Variants in MACROD2 observed in about 807,000 individuals in gnomAD.
The protein encoded by MACROD2 is ADP-ribose glycohydrolase MACROD2.
MACROD2 carries 36 observed loss-of-function variants against 70.4 expected under a neutral mutation model. The ratio of observed to expected loss-of-function variants is 0.51; its 90% CI spans 0.39 to 0.68. The LOEUF (loss-of-function observed/expected upper bound fraction) is 0.68, where lower values mean the gene tolerates loss of function less well. Among genes scored for constraint, MACROD2 ranks in the 30% least tolerant of loss-of-function variants. The pLI, the probability that MACROD2 is intolerant of heterozygous loss-of-function variation, is 0.00. For missense variants in MACROD2, 496 were observed against 538.4 expected (o/e 0.92, Z 0.78); for synonymous variants, 172 against 178.8 (o/e 0.96, Z 0.30).
chr20:14,247,460 A>G (rs1381228074), intron 3 of MACROD2, among the ~76,000 whole-genome samples: 3 of 152,208 alleles, frequency 2.0e-5, no homozygotes, highest in Non-Finnish European at 4.4e-5. Context: ...GAATGACTCA[A>G]AGTTGGTTGT....
intron 15 of MACROD2, among the ~76,000 whole-genome samples, chr20:16,038,518 C>G (rs1158541237): frequency 7.2e-6 from 1 of 138,630 alleles, no homozygotes; most frequent in African/African-American, 2.7e-5. Flanking sequence ...TAATTCTTAA[C>G]TTGTTTTTGT....
chr20:15,157,362 T>A (rs372909653), intron 5 of MACROD2, among the ~76,000 whole-genome samples: 3 of 21,010 alleles, frequency 1.4e-4, no homozygotes, highest in African/African-American at 5.7e-4. Flanking sequence ...CCCCCCCACC[T>A]CCCCCCCCCC....
intron 5 of MACROD2, among the ~76,000 whole-genome samples, chr20:15,174,835 C>T (rs1359606286): frequency 6.6e-6 from 1 of 152,052 alleles, no homozygotes; most frequent in East Asian, 1.9e-4. Flanking sequence ...GTGCTTTGCC[C>T]ACTTTTTGAT....
intron 2 of MACROD2, among the ~76,000 whole-genome samples, chr20:14,082,740 A>G (rs1051616693): frequency 2.0e-5 from 3 of 152,234 alleles, no homozygotes; most frequent in Admixed American, 1.3e-4. Flanking sequence ...TGCCTGATAG[A>G]GTTCTGAAAC....
chr20:15,520,046 A>T (rs1311552156), intron 8 of MACROD2, among the ~76,000 whole-genome samples: 1 of 152,272 alleles, frequency 6.6e-6, no homozygotes, highest in African/African-American at 2.4e-5. Flanking sequence ...ACTGCAATCA[A>T]TTCCAACAAA....
chr20:15,331,504 A>G (rs2077992115), intron 6 of MACROD2, among the ~76,000 whole-genome samples: 1 of 151,676 alleles, frequency 6.6e-6, no homozygotes, highest in Admixed American at 6.6e-5. Context: ...AACTTCAAAG[A>G]GATGCCTTGG....
chr20:15,091,970 T>C (rs1301407760), intron 5 of MACROD2, among the ~76,000 whole-genome samples: 1 of 152,010 alleles, frequency 6.6e-6, no homozygotes, highest in Non-Finnish European at 1.5e-5. Flanking sequence ...TCTTTGTAAG[T>C]GAACGACAAA....
At chr20:15,217,903 A>G (rs1391486723) in intron 5 of MACROD2, among the ~76,000 whole-genome samples, 1 of 152,138 alleles carries the variant, frequency 6.6e-6, no homozygotes, top group Non-Finnish European at 1.5e-5. Flanking sequence ...TCTACTAAAT[A>G]ATCTCGCAGA....
At chr20:15,251,959 A>C (rs1412423655) in intron 6 of MACROD2, among the ~76,000 whole-genome samples, 2 of 152,216 alleles carry the variant, frequency 1.3e-5, no homozygotes, top group African/African-American at 4.8e-5. Context: ...AAATAAAAAT[A>C]ATTAGCTAGT....
intron 8 of MACROD2, among the ~76,000 whole-genome samples, chr20:15,732,927 C>T (rs1427899012): frequency 6.6e-6 from 1 of 152,072 alleles, no homozygotes; most frequent in Non-Finnish European, 1.5e-5. Context: ...GGACCTGGTG[C>T]TTTCTGTTTT....
At chr20:15,305,523 A>G (rs1203814603) in intron 6 of MACROD2, among the ~76,000 whole-genome samples, 1 of 152,018 alleles carries the variant, frequency 6.6e-6, no homozygotes, top group East Asian at 1.9e-4. Context: ...TATCCCAATC[A>G]CAAGTCCAGT....
chr20:14,254,155 A>T (rs1277356455), intron 3 of MACROD2, among the ~76,000 whole-genome samples: 2 of 152,148 alleles, frequency 1.3e-5, no homozygotes, highest in Non-Finnish European at 2.9e-5. Flanking sequence ...TAATACATTT[A>T]TTAGTGAATT....
In MACROD2 at chr20:14,845,421, G is replaced by A. The variant is rs113523876; in HGVS notation, c.418+160462G>A. On this transcript the variant is annotated intron_variant, in intron 5 of 17. Coordinates refer to ENST00000684519, the MANE Select transcript of MACROD2 (RefSeq NM_001351661.2). ...TTTCTTGGTCAGCAAAAAGACAGGA[G>A]TATATCATTCTGACACTCTTTTGAG... 6.0e-3 allele frequency among the ~76,000 whole-genome samples: 906 copies of A among 152,022 alleles called. 10 individuals carry two copies. Among genetic ancestry groups the A allele is most frequent in the African/African-American group, 0.021 (854 of 41,478 alleles).
chr20:14,045,659 T>A (rs1375001277), intron 2 of MACROD2, among the ~76,000 whole-genome samples: 1 of 152,146 alleles, frequency 6.6e-6, no homozygotes, highest in African/African-American at 2.4e-5. Context: ...TGAGCAACAG[T>A]GAGCAGGAAA....
intron 3 of MACROD2, among the ~76,000 whole-genome samples, chr20:14,194,115 A>C (rs1360953095): frequency 6.6e-6 from 1 of 152,166 alleles, no homozygotes; most frequent in Non-Finnish European, 1.5e-5. Flanking sequence ...GGGAATAGGT[A>C]CCTACTCACT....
intron 13 of MACROD2, among the ~76,000 whole-genome samples, chr20:15,979,920 G>T (rs2066370644): frequency 6.6e-6 from 1 of 152,176 alleles, no homozygotes; most frequent in African/African-American, 2.4e-5. Context: ...GTTGTAGAAG[G>T]AAGGGCTTTA....
chr20:14,698,461 A>G (rs1693714307), intron 5 of MACROD2, among the ~76,000 whole-genome samples: 1 of 152,162 alleles, frequency 6.6e-6, no homozygotes, highest in African/African-American at 2.4e-5. Flanking sequence ...TGAACACTGA[A>G]CATGGTTAGC....
intron 3 of MACROD2, among the ~76,000 whole-genome samples, chr20:14,363,759 G>A (rs1390128941): frequency 6.9e-6 from 1 of 145,048 alleles, no homozygotes; most frequent in African/African-American, 2.6e-5. Flanking sequence ...GGAGCTTGCA[G>A]TGAGCAGACA....
chr20:15,198,064 C>T (rs371933187), intron 5 of MACROD2, among the ~76,000 whole-genome samples: 1 of 148,732 alleles, frequency 6.7e-6, no homozygotes, highest in Non-Finnish European at 1.5e-5. Context: ...CAGGTTCAAG[C>T]GATTCTCCTG....
Sources: allele counts gnomAD v4.1 joint callset (sites outside exome capture counted in the v4.1 genomes callset), GRCh38; gene constraint gnomAD v4.1.1; transcripts MANE v1.5; gene names NCBI Gene and HGNC (gene_info 2026-07-23, HGNC 2026-07-21).